EML4: variants seen among roughly 807,000 people sequenced by gnomAD.
The protein encoded by EML4 is EMAP like 4, also known as echinoderm microtubule-associated protein-like 4.
EML4 carries 72 observed loss-of-function variants against 129.0 expected under a neutral mutation model. That is an observed-to-expected ratio of 0.56 (90% CI 0.46 to 0.68). EML4 has a LOEUF of 0.68. Among genes scored for constraint, EML4 ranks in the 30% least tolerant of loss-of-function variants. EML4 has a pLI of 0.00. For synonymous variants in EML4, 532 were observed against 405.0 expected, an observed-to-expected ratio of 1.31 and a Z score of -3.77; for missense variants, 1,363 against 1,190.6, an observed-to-expected ratio of 1.14 and a Z score of -2.13.
At position 42,229,926 on chromosome 2, in the gene EML4, G is replaced by A. The variant is rs114385577; in HGVS notation, c.26-15579G>A. On this transcript the variant is annotated intron_variant, in intron 1 of 22. Transcript: ENST00000318522. ...TACAAGAAAGGAAAGGGGATATTCAGAGAAAGAAAAAAACCATAAAAAGGA... is the reference window on the plus strand; with the variant it reads ...TACAAGAAAGGAAAGGGGATATTCAAAGAAAGAAAAAAACCATAAAAAGGA... Among the ~76,000 whole-genome samples, 1,251 of 151,724 alleles carry A rather than the reference G, an allele frequency of 8.2e-3. 13 individuals are homozygous for A. The highest frequency in any genetic ancestry group is 0.024 in the African/African-American group (1,002 of 41,352).
intron 2 of EML4, among the ~76,000 whole-genome samples, 199 bp downstream of exon 2, chr2:42,245,886 C>A (rs1426444455): frequency 6.6e-6 from 1 of 151,918 alleles, no homozygotes; most frequent in East Asian, 1.9e-4. Flanking sequence ...GTGTAATCCA[C>A]TGATTATACT....
rs1188218753 is a variant in EML4, at chr2:42,286,272, C to T, written c.1015C>T (p.Leu339=). The change falls in exon 10 of 23, where the codon CTA becomes TTA. Residue 339 remains leucine (L), a synonymous_variant. Coordinates refer to ENST00000318522, the MANE Select transcript of EML4 (RefSeq NM_019063.5). ...CTGCTGTCTTGTGTTTTTGCAGCCTCTACAACCCCACGTCAGAGTGTGGGA... is the reference window on the plus strand; with the variant it reads ...CTGCTGTCTTGTGTTTTTGCAGCCTTTACAACCCCACGTCAGAGTGTGGGA... ...IAGVDKDGRP[L]QPHVRVWDSV... is the part of the protein sequence containing the mutation. 1.2e-6 allele frequency: 2 copies of T among 1,609,376 alleles called. No individual in the cohort carries two copies. Among genetic ancestry groups the T allele is most frequent in the Middle Eastern group, 3.3e-4 (2 of 6,056 alleles).
At chr2:42,189,115 A>G (rs1429560476) in intron 1 of EML4, among the ~76,000 whole-genome samples, 1 of 151,312 alleles carries the variant, frequency 6.6e-6, no homozygotes, top group Non-Finnish European at 1.5e-5. Flanking sequence ...AGTCCTCCCT[A>G]CTCGGCCTCC....
Position 42,169,596 on chromosome 2 carries a change from G to C in EML4, c.-16G>C. On this transcript the variant is annotated 5_prime_UTR_variant, in exon 1 of 23. Coordinates refer to ENST00000318522, the MANE Select transcript of EML4 (RefSeq NM_019063.5). Reference sequence around the variant, plus strand: ...CCCGCCCCTCTAAGCCCGGAGCCCGGCGCTTTCCCCGCAAGATGGACGGTT... The same window carrying C: ...CCCGCCCCTCTAAGCCCGGAGCCCGCCGCTTTCCCCGCAAGATGGACGGTT... The C allele has an allele frequency of 6.3e-7, 1 of 1,598,602 alleles. No individual in the cohort carries two copies.
intron 13 of EML4, among the ~76,000 whole-genome samples, chr2:42,299,274 A>T (rs1668139286): frequency 6.6e-6 from 1 of 152,012 alleles, no homozygotes; most frequent in Non-Finnish European, 1.5e-5. Flanking sequence ...CTGAGACATA[A>T]TTTTTTTTAG....
intron 2 of EML4, among the ~76,000 whole-genome samples, chr2:42,246,951 C>T (rs896053022): frequency 6.6e-6 from 1 of 152,158 alleles, no homozygotes; most frequent in Non-Finnish European, 1.5e-5. Context: ...TTTTGAGAAG[C>T]AGCAATTAAG....
chr2:42,208,814 C>CTTTTTCTT, intron 1 of EML4, among the ~76,000 whole-genome samples: 1 of 148,752 alleles, frequency 6.7e-6, no homozygotes. Context: ...TTTTCAGACA[C>CTTTTTCTT]AGAAAGCCAC....
At chr2:42,270,727 A>G (rs1482248392) in intron 6 of EML4, among the ~76,000 whole-genome samples, 1 of 152,182 alleles carries the variant, frequency 6.6e-6, no homozygotes, top group Non-Finnish European at 1.5e-5. Flanking sequence ...AAAAAAGTCA[A>G]AAGCCTTTAA....
intron 1 of EML4, among the ~76,000 whole-genome samples, chr2:42,189,836 A>AG (rs1671482140): frequency 6.6e-6 from 1 of 152,142 alleles, no homozygotes; most frequent in Non-Finnish European, 1.5e-5. Context: ...CTGAAGAAAG[A>AG]GTGTTTTATG....
intron 19 of EML4, among the ~76,000 whole-genome samples, chr2:42,321,324 A>T (rs1387802662): frequency 9.9e-5 from 15 of 152,120 alleles, no homozygotes; most frequent in Non-Finnish European, 2.9e-5. Flanking sequence ...CGGAGCTTGC[A>T]GTGAGCCAAG....
rs144594251 is a variant in EML4, at chr2:42,331,296, A to C, written c.*1089A>C. 4.5e-6 allele frequency: 1 copy of C among 223,790 alleles called. No homozygotes were observed. The highest frequency in any genetic ancestry group is 6.6e-5 in the East Asian group (1 of 15,262). The allele number at this position is 223,790 out of a possible 1,614,324, so 13.9% of individuals were successfully genotyped here. On this transcript the variant is annotated 3_prime_UTR_variant, in exon 23 of 23. Coordinates refer to ENST00000318522, the MANE Select transcript of EML4 (RefSeq NM_019063.5). ...AGTTTTTTTTACCAACAGCATACTTAACAGACTTGCTGTGTAGCAGTTTTT... is the reference window on the plus strand; with the variant it reads ...AGTTTTTTTTACCAACAGCATACTTCACAGACTTGCTGTGTAGCAGTTTTT...
At chr2:42,252,546 A>G (rs1675848217) in intron 2 of EML4, among the ~76,000 whole-genome samples, 1 of 152,166 alleles carries the variant, frequency 6.6e-6, no homozygotes, top group African/African-American at 2.4e-5. Context: ...TTCTTTATAG[A>G]TAAAGTCTGC....
chr2:42,224,249 A>G (rs1355779204), intron 1 of EML4, among the ~76,000 whole-genome samples: 1 of 152,012 alleles, frequency 6.6e-6, no homozygotes, highest in Non-Finnish European at 1.5e-5. Context: ...CTGCTAATCT[A>G]CTTTATCTTA....
intron 21 of EML4, 55 bp downstream of exon 21, chr2:42,326,307 T>C: frequency 8.6e-7 from 1 of 1,168,070 alleles, no homozygotes; most frequent in African/African-American, 1.6e-5. Context: ...TTATATATAA[T>C]ATTTACTTGC....
intron 1 of EML4, among the ~76,000 whole-genome samples, chr2:42,223,434 T>C (rs979425974): frequency 6.6e-6 from 1 of 152,190 alleles, no homozygotes; most frequent in Non-Finnish European, 1.5e-5. Context: ...AGCTAAATCA[T>C]TTGAACCTGT....
At chr2:42,245,100 T>TTTTTTTTTTTTTTTTTTTG in intron 1 of EML4, among the ~76,000 whole-genome samples, 1 of 120,142 alleles carries the variant, frequency 8.3e-6, no homozygotes, top group African/African-American at 3.3e-5. Flanking sequence ...CTTTCTTTTT[T>TTTTTTTTTTTTTTTTTTTG]TTTTTTTTTT....
chr2:42,291,028 T>A (rs577236248), intron 11 of EML4, among the ~76,000 whole-genome samples: 1 of 152,176 alleles, frequency 6.6e-6, no homozygotes, highest in Non-Finnish European at 1.5e-5. Flanking sequence ...TCAAGACTTA[T>A]GTAATTAAGA....
intron 1 of EML4, among the ~76,000 whole-genome samples, chr2:42,199,781 A>C (rs763888412): frequency 2.6e-5 from 4 of 152,192 alleles, no homozygotes; most frequent in Non-Finnish European, 5.9e-5. Flanking sequence ...TAAGCAAGAG[A>C]AGGAACCGAA....
At chr2:42,176,418 T>G (rs1269628618) in intron 1 of EML4, among the ~76,000 whole-genome samples, 2 of 152,234 alleles carry the variant, frequency 1.3e-5, no homozygotes, top group African/African-American at 4.8e-5. Context: ...CCTCTCAGAT[T>G]GCTTCATTGC....
Sources: gnomAD v4.1 joint callset for allele counts (sites outside exome capture counted in the v4.1 genomes callset) on GRCh38, gnomAD v4.1.1 for gene constraint, MANE v1.5 for transcripts, NCBI Gene and HGNC (gene_info 2026-07-23, HGNC 2026-07-21) for gene names.